KHDRBS2: variants seen among roughly 807,000 people sequenced by gnomAD.
KHDRBS2 encodes KH domain-containing, RNA-binding, signal transduction-associated protein 2.
In KHDRBS2, 26 loss-of-function variants were observed where a neutral mutation model predicts 44.3. The observed-to-expected ratio is 0.59, with a 90% confidence interval of 0.43 to 0.81. The LOEUF (loss-of-function observed/expected upper bound fraction) is 0.81. Among genes scored for constraint, KHDRBS2 ranks in the 40% least tolerant of loss-of-function variants. The pLI is 0.00. For synonymous variants in KHDRBS2, 194 were observed against 151.1 expected, an observed-to-expected ratio of 1.28 and a Z score of -2.08; for missense variants, 476 against 433.1, an observed-to-expected ratio of 1.10 and a Z score of -0.88.
chr6:62,037,392 A>G (rs1055988076), intron 3 of KHDRBS2, among the ~76,000 whole-genome samples: 4 of 151,920 alleles, frequency 2.6e-5, no homozygotes, highest in African/African-American at 9.7e-5. Flanking sequence ...CAAGAAAATA[A>G]AAATGAGAGT....
chr6:62,138,732 A>G (rs1310801653), intron 2 of KHDRBS2, among the ~76,000 whole-genome samples: 1 of 152,222 alleles, frequency 6.6e-6, no homozygotes, highest in Non-Finnish European at 1.5e-5. Flanking sequence ...TATACTTTGC[A>G]GATATGACTT....
the KHDRBS2 span, among the ~76,000 whole-genome samples, chr6:61,552,197 T>A: frequency 6.6e-6 from 1 of 152,150 alleles, no homozygotes; most frequent in Non-Finnish European, 1.5e-5. Flanking sequence ...CTTTGAGTAG[T>A]GTTTTGTAAT....
chr6:62,228,719 C>A (rs1191483851), intron 1 of KHDRBS2, among the ~76,000 whole-genome samples: 5 of 152,064 alleles, frequency 3.3e-5, no homozygotes, highest in Admixed American at 2.0e-4. Flanking sequence ...CCCAGCTAAT[C>A]TGGTATGTTG....
Position 61,798,392 on chromosome 6 carries a change from A to G in KHDRBS2, c.811-65628T>C, listed in dbSNP as rs115079563. On this transcript the variant is annotated intron_variant, in intron 6 of 8. Transcript: ENST00000281156. Reference sequence around the variant, plus strand: ...ATACTGACAAAGCAGCAAAAAGAATATGAGACCACATTCTTTACCAATAAA... The same window carrying G: ...ATACTGACAAAGCAGCAAAAAGAATGTGAGACCACATTCTTTACCAATAAA... Among the ~76,000 whole-genome samples, 1,382 of 152,262 alleles carry G rather than the reference A, an allele frequency of 9.1e-3. 9 individuals are homozygous for G. The highest frequency in any genetic ancestry group is 0.012 in the Non-Finnish European group (833 of 67,994).
chr6:61,648,312 T>C, the KHDRBS2 span, among the ~76,000 whole-genome samples: 3 of 152,072 alleles, frequency 2.0e-5, no homozygotes, highest in African/African-American at 7.2e-5. Flanking sequence ...AATATCCTAA[T>C]GTCTTTGTTT....
At chr6:61,911,319 T>C (rs1170755854) in intron 4 of KHDRBS2, among the ~76,000 whole-genome samples, 3 of 152,114 alleles carry the variant, frequency 2.0e-5, no homozygotes, top group African/African-American at 7.2e-5. Flanking sequence ...GAGGAGCAAA[T>C]AAGTAGCAGC....
chr6:61,869,964 G>GTTTTTTTTTTT lies in KHDRBS2; in HGVS notation c.810+24660_810+24670dup, dbSNP rs59518436. Among the ~76,000 whole-genome samples, 28 of 109,020 alleles carry GTTTTTTTTTTT rather than the reference G, an allele frequency of 2.6e-4. 1 individual carries two copies. The highest frequency in any genetic ancestry group is 8.3e-4 in the African/African-American group (22 of 26,426). 71.5% of individuals were successfully genotyped at this position (109,020 alleles called of 152,430 possible). A position where few individuals can be genotyped will look rare whatever the true frequency, so the allele number is the denominator to read the frequency against. ...TAGACACCGAACTAGCTGCAGGAGT[G>GTTTTTTTTTTT]TTTTTTTTTTTTTTTTTTTTTTTCC... is the stretch of plus-strand genomic sequence containing the variant. On this transcript the variant is annotated intron_variant, in intron 6 of 8. Coordinates refer to ENST00000281156, the MANE Select transcript of KHDRBS2 (RefSeq NM_152688.4).
intron 3 of KHDRBS2, among the ~76,000 whole-genome samples, chr6:61,986,768 C>T (rs906059257): frequency 6.6e-6 from 1 of 152,124 alleles, no homozygotes; most frequent in Non-Finnish European, 1.5e-5. Flanking sequence ...TATCCTCCCA[C>T]ACATGGCAGA....
At chr6:61,574,835 G>C in the KHDRBS2 span, among the ~76,000 whole-genome samples, 64 of 152,212 alleles carry the variant, frequency 4.2e-4, no homozygotes, top group African/African-American at 1.5e-3. Flanking sequence ...CTGGAACTCA[G>C]AAATGGAGCT....
At chr6:62,056,050 C>A (rs553303215) in intron 2 of KHDRBS2, among the ~76,000 whole-genome samples, 4 of 152,004 alleles carry the variant, frequency 2.6e-5, no homozygotes, top group Non-Finnish European at 5.9e-5. Context: ...AGGCTCCCAT[C>A]TTTACGGCCT....
At chr6:61,854,959 G>T (rs1384629987) in intron 6 of KHDRBS2, among the ~76,000 whole-genome samples, 1 of 152,052 alleles carries the variant, frequency 6.6e-6, no homozygotes, top group Non-Finnish European at 1.5e-5. Flanking sequence ...TAACTAACCT[G>T]TATTCACACG....
intron 6 of KHDRBS2, among the ~76,000 whole-genome samples, chr6:61,744,130 A>G (rs537887165): frequency 6.6e-6 from 1 of 152,220 alleles, no homozygotes; most frequent in East Asian, 1.9e-4. Flanking sequence ...TGCATATCTG[A>G]GATTTTAATA....
At chr6:62,199,341 C>T (rs1466334375) in intron 1 of KHDRBS2, among the ~76,000 whole-genome samples, 1 of 152,042 alleles carries the variant, frequency 6.6e-6, no homozygotes, top group Non-Finnish European at 1.5e-5. Flanking sequence ...AGAAAACCCC[C>T]TTGTCTCAGC....
chr6:62,150,023 T>C (rs935870966), intron 2 of KHDRBS2, among the ~76,000 whole-genome samples: 2 of 152,202 alleles, frequency 1.3e-5, no homozygotes, highest in Non-Finnish European at 2.9e-5. Context: ...CACAGCTCTG[T>C]GGCTGGTACA....
At chr6:61,669,944 G>A in the KHDRBS2 span, among the ~76,000 whole-genome samples, 3 of 150,812 alleles carry the variant, frequency 2.0e-5, no homozygotes, top group Non-Finnish European at 3.0e-5. Context: ...AATTGAAATT[G>A]CATATATTTA....
intron 6 of KHDRBS2, among the ~76,000 whole-genome samples, chr6:61,884,857 G>A (rs972651233): frequency 6.6e-6 from 1 of 152,042 alleles, no homozygotes; most frequent in Non-Finnish European, 1.5e-5. Context: ...TCCCCCCATA[G>A]AGATGTGTAT....
chr6:61,969,038 C>T (rs569588616), intron 4 of KHDRBS2, among the ~76,000 whole-genome samples: 2 of 152,004 alleles, frequency 1.3e-5, no homozygotes, highest in African/African-American at 4.8e-5. Flanking sequence ...GCTTAAGTAT[C>T]CCTTCCAGTT....
intron 1 of KHDRBS2, among the ~76,000 whole-genome samples, chr6:62,186,579 A>G (rs1275219763): frequency 6.8e-6 from 1 of 147,156 alleles, no homozygotes; most frequent in Non-Finnish European, 1.5e-5. Flanking sequence ...TATCATACAT[A>G]TTCATTTAAA....
At chr6:61,720,820 T>A (rs1252712844) in intron 7 of KHDRBS2, among the ~76,000 whole-genome samples, 38 of 151,460 alleles carry the variant, frequency 2.5e-4, no homozygotes, top group Non-Finnish European at 4.7e-4. Context: ...TTGTTGCCAT[T>A]GCTTTTGGTG....
Sources: allele counts gnomAD v4.1 joint callset (sites outside exome capture counted in the v4.1 genomes callset), GRCh38; gene constraint gnomAD v4.1.1; transcripts MANE v1.5; gene names NCBI Gene and HGNC (gene_info 2026-07-23, HGNC 2026-07-21).